WDR64: variants seen among roughly 807,000 people sequenced by gnomAD.
WDR64 encodes WD repeat domain 64.
In WDR64, 112 loss-of-function variants were observed where a neutral mutation model predicts 139.3. The ratio of observed to expected loss-of-function variants is 0.80; its 90% CI spans 0.69 to 0.94. The LOEUF (loss-of-function observed/expected upper bound fraction) is 0.94, where lower values mean the gene tolerates loss of function less well. WDR64 is among the 40% of genes least tolerant of loss of function. WDR64 has a pLI of 0.00. For synonymous variants in WDR64, 444 were observed against 437.7 expected (o/e 1.01, Z -0.18); for missense variants, 1,206 against 1,293.1 (o/e 0.93, Z 1.03).
intron 14 of WDR64, among the ~76,000 whole-genome samples, chr1:241,751,051 A>C (rs999645153): frequency 6.6e-6 from 1 of 152,172 alleles, no homozygotes; most frequent in African/African-American, 2.4e-5. Context: ...TTTGATTTAC[A>C]TACTTATTTT....
chr1:241,658,834 TA>T lies in WDR64; in HGVS notation c.146-1692del, dbSNP rs1665713496. Among the ~76,000 whole-genome samples, 3 of 151,974 alleles carry T rather than the reference TA, an allele frequency of 2.0e-5. No homozygotes were observed. In the South Asian group the frequency reaches 6.2e-4, roughly 32 times the overall value. ...ACAGAGAATGTATCAAACACCACAG[TA>T]AAATATTTTCTTCTTATTTAGTAAT... is the stretch of plus-strand genomic sequence containing the variant. On this transcript the variant is annotated intron_variant, in intron 1 of 27. Transcript: ENST00000437684.
At chr1:241,793,155 AAC>A (rs1366088707) in intron 25 of WDR64, among the ~76,000 whole-genome samples, 1 of 152,262 alleles carries the variant, frequency 6.6e-6, no homozygotes. Context: ...TCATTTATGT[AAC>A]AGTCAAAAAT....
intron 15 of WDR64, among the ~76,000 whole-genome samples, chr1:241,765,596 C>G (rs917749619): frequency 6.6e-6 from 1 of 152,070 alleles, no homozygotes; most frequent in African/African-American, 2.4e-5. Flanking sequence ...TAGACCTCTC[C>G]TCTTATTTAA....
chr1:241,780,240 GAAGT>G (rs1658797340), intron 22 of WDR64, among the ~76,000 whole-genome samples, 178 bp downstream of exon 22: 1 of 152,206 alleles, frequency 6.6e-6, no homozygotes, highest in Non-Finnish European at 1.5e-5. Context: ...AAGGGATCAA[GAAGT>G]AAGTGAGGGA....
chr1:241,708,235 G>C (rs971998683), intron 8 of WDR64, among the ~76,000 whole-genome samples: 1 of 152,142 alleles, frequency 6.6e-6, no homozygotes, highest in Non-Finnish European at 1.5e-5. Context: ...TTTTATTGTT[G>C]TCTGTTTTAT....
chr1:241,749,989 C>T (rs975935854), intron 14 of WDR64, among the ~76,000 whole-genome samples: 1 of 152,148 alleles, frequency 6.6e-6, no homozygotes, highest in Non-Finnish European at 1.5e-5. Flanking sequence ...GTCAGGAAGG[C>T]TAAATTTATA....
At chr1:241,665,507 T>C (rs1665993932) in intron 2 of WDR64, among the ~76,000 whole-genome samples, 1 of 152,234 alleles carries the variant, frequency 6.6e-6, no homozygotes, top group Non-Finnish European at 1.5e-5. Flanking sequence ...AATATAAATC[T>C]CTTTGTGGTA....
chr1:241,791,129 G>GC (rs1463912033), intron 25 of WDR64, among the ~76,000 whole-genome samples: 1 of 2,416 alleles, frequency 4.1e-4, no homozygotes, highest in African/African-American at 4.8e-4. Context: ...TCTATTAAAA[G>GC]TAAAAAATCT....
In WDR64 at chr1:241,799,485, C is replaced by G. The variant is rs146312593; in HGVS notation, c.3193-1647C>G. On this transcript the variant is annotated intron_variant, in intron 27 of 27. Coordinates refer to ENST00000437684, the MANE Select transcript of WDR64 (RefSeq NM_001367482.1). ...AATATTTCTAATGACAACAGCAAATCTTTATTTTCAAATCAATGTTGCCCA... is the reference window on the plus strand; with the variant it reads ...AATATTTCTAATGACAACAGCAAATGTTTATTTTCAAATCAATGTTGCCCA... Among the ~76,000 whole-genome samples the G allele has an allele frequency of 6.6e-4, 100 of 151,974 alleles. 2 individuals carry two copies. The East Asian group carries it at 0.019, about 28-fold the overall frequency.
intron 4 of WDR64, among the ~76,000 whole-genome samples, chr1:241,675,504 A>G (rs962570166): frequency 6.6e-6 from 1 of 152,174 alleles, no homozygotes; most frequent in Admixed American, 6.5e-5. Flanking sequence ...AGGGTGTCAT[A>G]TGGAACCATG....
At chr1:241,690,815 G>A (rs1391144498) in intron 8 of WDR64, among the ~76,000 whole-genome samples, 2 of 151,812 alleles carry the variant, frequency 1.3e-5, no homozygotes, top group Non-Finnish European at 2.9e-5. Flanking sequence ...CAGCATCAGA[G>A]GAAGAAAAAG....
chr1:241,728,081 C>T (rs937315160), intron 10 of WDR64, among the ~76,000 whole-genome samples: 1 of 151,972 alleles, frequency 6.6e-6, no homozygotes, highest in Non-Finnish European at 1.5e-5. Flanking sequence ...GCCTGTAATC[C>T]CAGCACTTTG....
At chr1:241,736,598 A>T (rs1018969901) in intron 10 of WDR64, among the ~76,000 whole-genome samples, 2 of 151,854 alleles carry the variant, frequency 1.3e-5, no homozygotes, top group African/African-American at 4.8e-5. Context: ...GCAGCAAAAA[A>T]CCCTAGAGGG....
intron 14 of WDR64, among the ~76,000 whole-genome samples, chr1:241,754,278 A>G (rs920452191): frequency 1.3e-5 from 2 of 149,782 alleles, no homozygotes; most frequent in Non-Finnish European, 3.0e-5. Flanking sequence ...TCTGGGATAC[A>G]TGTGCAGAAC....
rs189161371 is a variant in WDR64, at chr1:241,699,974, T to C, written c.975-11828T>C. On this transcript the variant is annotated intron_variant, in intron 8 of 27. Coordinates refer to ENST00000437684, the MANE Select transcript of WDR64 (RefSeq NM_001367482.1). ...CCCTAACAGCAGAGCGGAGAATGGA[T>C]TGGGGAAGGGCAAGCTCAAAGGAGG... Among the ~76,000 whole-genome samples, 453 of 151,714 alleles carry C rather than the reference T, an allele frequency of 3.0e-3. 2 individuals carry two copies. Among genetic ancestry groups the C allele is most frequent in the African/African-American group, 0.01 (433 of 41,414 alleles).
chr1:241,716,726 C>T lies in WDR64; in HGVS notation c.1054+4845C>T, dbSNP rs1574037037. ...GAAATAGTATAGGCTTTGAGAGCTT[C>T]GCATCTGTCCCTTTCTGCTAATTCT... On this transcript the variant is annotated intron_variant, in intron 9 of 27. Transcript: ENST00000437684. 2.6e-5 allele frequency among the ~76,000 whole-genome samples: 4 copies of T among 152,108 alleles called. No individual in the cohort carries two copies. In the South Asian group the frequency reaches 6.2e-4, roughly 24 times the overall value.
intron 8 of WDR64, among the ~76,000 whole-genome samples, chr1:241,696,704 T>G (rs1243206769): frequency 1.3e-5 from 2 of 152,100 alleles, no homozygotes; most frequent in Non-Finnish European, 2.9e-5. Flanking sequence ...CATTATAATT[T>G]GCGTATAATG....
intron 10 of WDR64, among the ~76,000 whole-genome samples, chr1:241,736,513 A>ACTT (rs1669332315): frequency 6.6e-6 from 1 of 152,054 alleles, no homozygotes; most frequent in Admixed American, 6.6e-5. Context: ...ATGCACAGAG[A>ACTT]CCAGAATAAG....
intron 15 of WDR64, among the ~76,000 whole-genome samples, chr1:241,759,721 T>C (rs548482179): frequency 6.6e-6 from 1 of 152,282 alleles, no homozygotes; most frequent in East Asian, 1.9e-4. Flanking sequence ...TGTGGTAACA[T>C]ACACGTAAAG....
Sources: gnomAD v4.1 joint callset for allele counts (sites outside exome capture counted in the v4.1 genomes callset) on GRCh38, gnomAD v4.1.1 for gene constraint, MANE v1.5 for transcripts, NCBI Gene and HGNC (gene_info 2026-07-23, HGNC 2026-07-21) for gene names.